The following PREX1 variants were observed in gnomAD, a reference collection of about 807,000 sequenced individuals.
The protein encoded by PREX1 is phosphatidylinositol-3,4,5-trisphosphate dependent Rac exchange factor 1, also known as phosphatidylinositol 3,4,5-trisphosphate-dependent Rac exchanger 1 protein.
Under a neutral mutation model 198.3 loss-of-function variants are expected in PREX1, and 41 were observed. The ratio of observed to expected loss-of-function variants is 0.21; its 90% CI spans 0.16 to 0.27. PREX1 has a LOEUF of 0.27. Ranked by LOEUF, PREX1 falls within the 10% of genes least tolerant of loss-of-function variation. PREX1 has a pLI of 1.00. For missense variants in PREX1, 1,620 were observed against 2,200.7 expected (o/e 0.74, Z 5.28); for synonymous variants, 843 against 887.2 (o/e 0.95, Z 0.89).
intron 5 of PREX1, among the ~76,000 whole-genome samples, chr20:48,723,210 G>A (rs1416017279): frequency 1.3e-5 from 2 of 152,204 alleles, no homozygotes; most frequent in Admixed American, 1.3e-4. Flanking sequence ...CCCCAAGTGG[G>A]AGTTCAGCTC....
intron 1 of PREX1, among the ~76,000 whole-genome samples, chr20:48,768,881 G>T (rs2090221533): frequency 6.6e-6 from 1 of 152,062 alleles, no homozygotes; most frequent in South Asian, 2.1e-4. Flanking sequence ...TGGTGGTGAT[G>T]CATACGTAAT....
At chr20:48,878,924 G>C in the PREX1 span, among the ~76,000 whole-genome samples, 1 of 152,168 alleles carries the variant, frequency 6.6e-6, no homozygotes, top group South Asian at 2.1e-4. Flanking sequence ...TGGAAGTATT[G>C]AGGCTCCCAA....
intron 5 of PREX1, among the ~76,000 whole-genome samples, chr20:48,718,537 C>T (rs2089972162): frequency 6.6e-6 from 1 of 152,076 alleles, no homozygotes; most frequent in East Asian, 1.9e-4. Flanking sequence ...GAACCAAGTT[C>T]AAATATATTA....
chr20:48,726,469 G>A (rs1221578615), intron 4 of PREX1, 78 bp from the exon 5 acceptor site: 7 of 998,648 alleles, frequency 7.0e-6, no homozygotes, highest in South Asian at 6.8e-5. Flanking sequence ...CATGAGAAAC[G>A]CTCTCAGAGC....
chr20:48,741,361 T>TGG (rs1404974417), intron 3 of PREX1, among the ~76,000 whole-genome samples: 1 of 151,976 alleles, frequency 6.6e-6, no homozygotes, highest in African/African-American at 2.4e-5. Context: ...TATTTTTTGT[T>TGG]TTGTTTTGTT....
At chr20:48,821,729 C>T (rs2090486178) in intron 1 of PREX1, 1 of 152,204 alleles carries the variant, frequency 6.6e-6, no homozygotes, top group Non-Finnish European at 1.5e-5. Flanking sequence ...GCCCCAAGCC[C>T]AACAGGTCTT....
Position 48,747,679 on chromosome 20 carries a change from A to G in PREX1, c.291+130T>C, listed in dbSNP as rs373289910. 1.1e-4 allele frequency: 116 copies of G among 1,024,552 alleles called. 2 individuals are homozygous for G. In the East Asian group the frequency reaches 1.9e-3, roughly 16 times the overall value. The allele number at this position is 1,024,552 out of a possible 1,614,324, so 63.5% of individuals were successfully genotyped here. Reference sequence around the variant, plus strand: ...AAGGGAGCAAGCTGGGGCAGGGCAAAGCTGGCGGCCAGCAGCCAGCGGGTG... The same window carrying G: ...AAGGGAGCAAGCTGGGGCAGGGCAAGGCTGGCGGCCAGCAGCCAGCGGGTG... On this transcript the variant is annotated intron_variant, in intron 2 of 39. Transcript: ENST00000371941.
At chr20:48,652,187 T>C (rs932982943) in intron 21 of PREX1, among the ~76,000 whole-genome samples, 1 of 152,176 alleles carries the variant, frequency 6.6e-6, no homozygotes, top group African/African-American at 2.4e-5. Context: ...ATCCCAGCAC[T>C]CTGCGAGGCC....
chr20:48,636,414 G>A lies in PREX1; in HGVS notation c.4167+49C>T, dbSNP rs191118518. ...GGCTCCCTCGACCCGGCCTGGGCGG[G>A]CACCAGTGGGTGGGCCAGCGGGGCC... On this transcript the variant is annotated intron_variant, in intron 32 of 39. Transcript: ENST00000371941. The A allele has an allele frequency of 1.1e-3, 1,698 of 1,534,314 alleles. 11 individuals carry two copies. In the African/African-American group the frequency reaches 0.019, roughly 17 times the overall value.
intron 4 of PREX1, among the ~76,000 whole-genome samples, chr20:48,732,852 T>C (rs1245036247): frequency 1.3e-5 from 2 of 152,048 alleles, no homozygotes; most frequent in African/African-American, 4.8e-5. Flanking sequence ...AAGGGTATGC[T>C]CTCCTTCCCG....
chr20:48,625,716 G>A lies in PREX1; in HGVS notation c.*169C>T, dbSNP rs996466733. The A allele has an allele frequency of 4.8e-5, 38 of 786,760 alleles. 1 individual carries two copies. Among genetic ancestry groups the A allele is most frequent in the South Asian group, 1.0e-4 (5 of 49,530 alleles). The allele number at this position is 786,760 out of a possible 1,614,324, so 48.7% of individuals were successfully genotyped here. A position where few individuals can be genotyped will look rare whatever the true frequency, so the allele number is the denominator to read the frequency against. ...CAATCAGCCAGCTCGTCATCACAGC[G>A]AGGGTGGCCAGGCTTGTCCCGGAAG... On this transcript the variant is annotated 3_prime_UTR_variant, in exon 40 of 40. Coordinates refer to ENST00000371941, the MANE Select transcript of PREX1 (RefSeq NM_020820.4).
At chr20:48,727,310 G>A (rs370090903) in intron 4 of PREX1, among the ~76,000 whole-genome samples, 5 of 151,998 alleles carry the variant, frequency 3.3e-5, no homozygotes, top group Non-Finnish European at 4.4e-5. Context: ...ATGGAATACC[G>A]TTACCCTAAC....
chr20:48,639,751 T>C lies in PREX1; in HGVS notation c.3904+15A>G. The C allele has an allele frequency of 6.2e-7, 1 of 1,613,102 alleles. No homozygotes were observed. The highest frequency in any genetic ancestry group is 1.1e-5 in the South Asian group (1 of 90,996). ...GCCCCCTCCCCACCATGATGCACCC[T>C]CCCTGCCCACCGACCTTCCACATAT... On this transcript the variant is annotated intron_variant, in intron 30 of 39. Coordinates refer to ENST00000371941, the MANE Select transcript of PREX1 (RefSeq NM_020820.4).
chr20:48,834,358 G>T, the PREX1 span, among the ~76,000 whole-genome samples: 1 of 152,058 alleles, frequency 6.6e-6, no homozygotes, highest in Non-Finnish European at 1.5e-5. Context: ...TATATGTCTG[G>T]GTTATTTTTT....
At chr20:48,664,842 CCCGG>C (rs1389236925) in intron 15 of PREX1, among the ~76,000 whole-genome samples, 18 of 148,356 alleles carry the variant, frequency 1.2e-4, no homozygotes, top group Admixed American at 1.2e-3. Flanking sequence ...GAATTCTAAT[CCCGG>C]CTCCAGACGG....
chr20:48,813,093 C>T (rs1479991234), intron 1 of PREX1, among the ~76,000 whole-genome samples: 1 of 152,262 alleles, frequency 6.6e-6, no homozygotes, highest in Middle Eastern at 3.2e-3. Context: ...ACTCCACCCC[C>T]AACGGCCCAG....
chr20:48,652,371 T>C (rs1470107480), intron 21 of PREX1, among the ~76,000 whole-genome samples: 3 of 150,930 alleles, frequency 2.0e-5, no homozygotes, highest in African/African-American at 7.3e-5. Context: ...ACCAGGGAGG[T>C]TGGGGCTGCA....
intron 15 of PREX1, among the ~76,000 whole-genome samples, chr20:48,664,882 C>A (rs1279128694): frequency 7.1e-6 from 1 of 141,424 alleles, no homozygotes; most frequent in Admixed American, 7.2e-5. Flanking sequence ...CGGCTCCAGA[C>A]GGCCTGAATT....
At chr20:48,810,970 G>A (rs1045660464) in intron 1 of PREX1, among the ~76,000 whole-genome samples, 1 of 152,098 alleles carries the variant, frequency 6.6e-6, no homozygotes, top group Non-Finnish European at 1.5e-5. Context: ...CTCAGTGTTA[G>A]GAACATGTTA....
Sources: gnomAD v4.1 joint callset for allele counts (sites outside exome capture counted in the v4.1 genomes callset) on GRCh38, gnomAD v4.1.1 for gene constraint, MANE v1.5 for transcripts, NCBI Gene and HGNC (gene_info 2026-07-23, HGNC 2026-07-21) for gene names.